Variants in EDA observed in about 807,000 individuals in gnomAD.
EDA encodes the protein ectodysplasin-A.
Under a neutral mutation model 23.6 loss-of-function variants are expected in EDA, and 2 were observed. That is an observed-to-expected ratio of 0.08 (90% confidence interval 0.03 to 0.27). The LOEUF (loss-of-function observed/expected upper bound fraction) is 0.27, where lower values mean the gene tolerates loss of function less well. Among genes scored for constraint, EDA ranks in the 10% least tolerant of loss-of-function variants. EDA has a pLI of 1.00. For missense variants in EDA, 229 were observed against 324.2 expected, an observed-to-expected ratio of 0.71 and a Z score of 2.26; for synonymous variants, 131 against 132.0, an observed-to-expected ratio of 0.99 and a Z score of 0.05.
intron 2 of EDA, among the ~76,000 whole-genome samples, chrX:69,977,507 A>G (rs758068081): frequency 8.9e-6 from 1 of 111,754 alleles, no homozygotes; most frequent in East Asian, 2.8e-4. Flanking sequence ...CCTAGAACCC[A>G]TTTGCCCCAA....
At chrX:69,858,140 T>C (rs967404065) in intron 1 of EDA, among the ~76,000 whole-genome samples, 1 of 111,873 alleles carries the variant, frequency 8.9e-6, no homozygotes, top group African/African-American at 3.2e-5. Flanking sequence ...GCCAAGACTA[T>C]AGGGTTTTCT....
chrX:70,035,407 A>G lies in EDA; in HGVS notation c.974A>G (p.Asp325Gly). The part of the protein sequence containing the change: ...TDFASYEVVV[D>G]EKPFLQCTRS... The stretch of plus-strand genomic sequence containing the variant: ...TTTGCCAGCTATGAGGTGGTGGTGG[A>G]TGAGAAGCCCTTCCTGCAGTGCACA... Residue 325 changes from aspartate to glycine, a missense_variant, in exon 8 of 8, where the codon GAT becomes GGT. By Grantham distance (94) the Asp-to-Gly change is moderately conservative. Around this residue, in one of 2 missense-constraint regions of EDA, gnomAD observed 175 missense variants for 281.8 expected, o/e 0.62. Transcript: ENST00000374552. The G allele has an allele frequency of 1.7e-6, 2 of 1,209,738 alleles. No individual in the cohort carries two copies. Among genetic ancestry groups the G allele is most frequent in the South Asian group, 3.5e-5 (2 of 56,646 alleles).
At chrX:69,909,483 G>A (rs1293490232) in intron 1 of EDA, among the ~76,000 whole-genome samples, 1 of 111,800 alleles carries the variant, frequency 8.9e-6, no homozygotes, top group Non-Finnish European at 1.9e-5. Flanking sequence ...GTTTTTAGTA[G>A]AGACAGGGTT....
chrX:69,891,966 C>G (rs569170051), intron 1 of EDA, among the ~76,000 whole-genome samples: 1 of 111,236 alleles, frequency 9.0e-6, no homozygotes, highest in Non-Finnish European at 1.9e-5. Flanking sequence ...TAGAAAAGGA[C>G]GCAGGAGAAA....
At chrX:69,952,574 A>G (rs776711613) in intron 1 of EDA, among the ~76,000 whole-genome samples, 1 of 112,154 alleles carries the variant, frequency 8.9e-6, no homozygotes, top group East Asian at 2.8e-4. Context: ...ACCATGAACT[A>G]TGTTCAAAGC....
At chrX:69,705,117 G>A (rs2011659904) in intron 1 of EDA, among the ~76,000 whole-genome samples, 1 of 108,389 alleles carries the variant, frequency 9.2e-6, no homozygotes, top group African/African-American at 3.4e-5. Flanking sequence ...CAGCTACTCG[G>A]GAGGCTGAGG....
chrX:69,922,138 A>C (rs2018445276), intron 1 of EDA, among the ~76,000 whole-genome samples: 1 of 112,464 alleles, frequency 8.9e-6, no homozygotes, highest in Non-Finnish European at 1.9e-5. Context: ...TTGATAGCTC[A>C]TTCCTGTTTT....
chrX:69,937,434 A>G, intron 1 of EDA: 1 of 769,383 alleles, frequency 1.3e-6, no homozygotes, highest in Non-Finnish European at 2.0e-6. Flanking sequence ...GAGGTACTTC[A>G]CATCATAAAT....
At chrX:69,812,031 T>C (rs1384220849) in intron 1 of EDA, among the ~76,000 whole-genome samples, 1 of 111,913 alleles carries the variant, frequency 8.9e-6, no homozygotes, top group East Asian at 2.8e-4. Context: ...TTTATTATAA[T>C]TTTCATCTCT....
At chrX:69,991,536 A>G (rs1454832176) in intron 2 of EDA, among the ~76,000 whole-genome samples, 1 of 111,244 alleles carries the variant, frequency 9.0e-6, no homozygotes, top group Non-Finnish European at 1.9e-5. Context: ...TGCGGGACAG[A>G]GAAGGTTTTC....
At chrX:69,876,333 C>T (rs1250530128) in intron 1 of EDA, among the ~76,000 whole-genome samples, 1 of 109,387 alleles carries the variant, frequency 9.1e-6, no homozygotes, top group African/African-American at 3.3e-5. Flanking sequence ...GTACACTGCT[C>T]AGGTGATGAG....
At chrX:69,860,962 C>T (rs1245983729) in intron 1 of EDA, 1 of 515,506 alleles carries the variant, frequency 1.9e-6, no homozygotes, top group Non-Finnish European at 3.5e-6. Context: ...GGAGCTGTTT[C>T]ACCTGGCGTC....
rs1569317439 is a variant in EDA at position 69,749,922 on chromosome X, C to CTTTTTTTTTTTTTTTTTTTTT, written c.396+133225_396+133245dup. Among the ~76,000 whole-genome samples, 3 of 33,251 alleles carry CTTTTTTTTTTTTTTTTTTTTT rather than the reference C, an allele frequency of 9.0e-5. 1 individual carries two copies. Among genetic ancestry groups the CTTTTTTTTTTTTTTTTTTTTT allele is most frequent in the South Asian group, 3.4e-3 (2 of 586 alleles). 28.9% of individuals were successfully genotyped at this position (33,251 alleles called of 115,157 possible). Reference sequence around the variant, plus strand: ...TTAGAAACTTCCTCTCACTAAGGTTCTTTTTTTTTTTTTTTTTTTTTTTTT... The same window carrying CTTTTTTTTTTTTTTTTTTTTT: ...TTAGAAACTTCCTCTCACTAAGGTTCTTTTTTTTTTTTTTTTTTTTTTTTTTTTTTTTTTTTTTTTTTTTTT... On this transcript the variant is annotated intron_variant, in intron 1 of 7. Transcript: ENST00000374552.
chrX:69,997,284 A>G (rs1476714078), intron 2 of EDA, among the ~76,000 whole-genome samples: 1 of 111,876 alleles, frequency 8.9e-6, no homozygotes, highest in African/African-American at 3.3e-5. Flanking sequence ...GAACTTGTTG[A>G]GAACTGGAGC....
chrX:69,618,071 C>T (rs759055659), intron 1 of EDA, among the ~76,000 whole-genome samples: 4 of 111,794 alleles, frequency 3.6e-5, no homozygotes, highest in African/African-American at 6.5e-5. Context: ...TGTAGCTAAA[C>T]GATAATTAAC....
intron 1 of EDA, among the ~76,000 whole-genome samples, chrX:69,753,071 T>C (rs1454661425): frequency 8.9e-6 from 1 of 111,968 alleles, no homozygotes; most frequent in African/African-American, 3.2e-5. Context: ...TGTGTCTCTA[T>C]CTCCTTCAGT....
intron 2 of EDA, among the ~76,000 whole-genome samples, chrX:69,983,400 TG>T (rs1266048645): frequency 1.4e-3 from 7 of 4,922 alleles, no homozygotes; most frequent in African/African-American, 6.7e-3. Flanking sequence ...TGGTACCGGT[TG>T]TTCCTTTCCA....
At chrX:69,849,082 T>TATACAC (rs1160574693) in intron 1 of EDA, among the ~76,000 whole-genome samples, 176 of 57,013 alleles carry the variant, frequency 3.1e-3, no homozygotes, top group East Asian at 8.1e-3. Flanking sequence ...AAAGTCTATA[T>TATACAC]ACACACACAC....
chrX:70,010,894 C>G (rs901241255), intron 2 of EDA, among the ~76,000 whole-genome samples: 3 of 111,625 alleles, frequency 2.7e-5, no homozygotes, highest in Non-Finnish European at 3.8e-5. Context: ...GTGGAGGAAA[C>G]TGCCTCCATG....
Sources: allele counts gnomAD v4.1 joint callset (sites outside exome capture counted in the v4.1 genomes callset), GRCh38; gene constraint gnomAD v4.1.1; regional missense constraint gnomAD v4.1.1; transcripts MANE v1.5; gene names NCBI Gene and HGNC (gene_info 2026-07-23, HGNC 2026-07-21).